Variants in MAPRE1 observed in about 807,000 individuals in gnomAD.
MAPRE1 encodes microtubule-associated protein RP/EB family member 1.
A neutral mutation model predicts 32.1 loss-of-function variants in MAPRE1; 5 were observed. That is an observed-to-expected ratio of 0.16 (90% CI 0.08 to 0.33). The LOEUF (loss-of-function observed/expected upper bound fraction) is 0.33, where lower values mean the gene tolerates loss of function less well. MAPRE1 is among the 10% of genes least tolerant of loss of function. The pLI is 1.00. For synonymous variants in MAPRE1, 122 were observed against 118.9 expected, an observed-to-expected ratio of 1.03 and a Z score of -0.17; for missense variants, 209 against 327.2, an observed-to-expected ratio of 0.64 and a Z score of 2.79.
rs374382367 is a variant in MAPRE1 at position 32,839,832 on chromosome 20, C to A, written c.573C>A (p.Asp191Glu). Residue 191 changes from aspartate to glutamate, a missense_variant, in exon 5 of 7, where the codon GAC becomes GAA. Coordinates refer to ENST00000375571, the MANE Select transcript of MAPRE1 (RefSeq NM_012325.3). ...ACCCTGGTGTGGGCAACGGAGACGA[C>A]GAGGCAGCTGAGTTGATGCAGCAGG... ...RKNPGVGNGDDEAAELMQQVN... is the reference protein window; with the variant it reads ...RKNPGVGNGDEEAAELMQQVN... The A allele has an allele frequency of 6.2e-7, 1 of 1,614,134 alleles. No homozygotes were observed. Among genetic ancestry groups the A allele is most frequent in the Admixed American group, 1.7e-5 (1 of 60,018 alleles).
At chr20:32,839,358 C>G (rs1399211426) in intron 4 of MAPRE1, among the ~76,000 whole-genome samples, 1 of 152,184 alleles carries the variant, frequency 6.6e-6, no homozygotes, top group Admixed American at 6.5e-5. Flanking sequence ...GCTGTTGTAA[C>G]CAACATGAAA....
chr20:32,823,508 A>T (rs1343696363), intron 1 of MAPRE1, among the ~76,000 whole-genome samples: 1 of 152,192 alleles, frequency 6.6e-6, no homozygotes, highest in Non-Finnish European at 1.5e-5. Flanking sequence ...TTAGATCTGG[A>T]TTAGCCTGCC....
chr20:32,843,739 G>A (rs763511741), intron 5 of MAPRE1, among the ~76,000 whole-genome samples: 1 of 152,148 alleles, frequency 6.6e-6, no homozygotes, highest in Non-Finnish European at 1.5e-5. Context: ...GTGGTTGATG[G>A]CTACTGTGGC....
intron 5 of MAPRE1, among the ~76,000 whole-genome samples, chr20:32,845,278 C>T (rs968942258): frequency 1.3e-5 from 2 of 152,112 alleles, no homozygotes; most frequent in South Asian, 2.1e-4. Flanking sequence ...TGGCCTCAAG[C>T]GATCCTCTCA....
intron 1 of MAPRE1, among the ~76,000 whole-genome samples, chr20:32,822,404 C>T (rs1982726613): frequency 6.6e-6 from 1 of 152,108 alleles, no homozygotes; most frequent in African/African-American, 2.4e-5. Flanking sequence ...AGGAAATTCT[C>T]TCTGGTTTGC....
In MAPRE1 at chr20:32,819,955, T is replaced by G. The variant is rs1186207109; in HGVS notation, c.-77T>G. The stretch of plus-strand genomic sequence containing the variant: ...TCATCGCGCGGGCGGGCGGGCGGGG[T>G]CTGGCGGTTTGAACGAGACGAAGAC... On this transcript the variant is annotated 5_prime_UTR_variant, in exon 1 of 7. Transcript: ENST00000375571. The G allele has an allele frequency of 6.8e-6, 1 of 146,540 alleles. No individual in the cohort carries two copies. Among genetic ancestry groups the G allele is most frequent in the Non-Finnish European group, 1.5e-5 (1 of 66,604 alleles). The allele number at this position is 146,540 out of a possible 1,614,324, so 9.1% of individuals were successfully genotyped here.
At chr20:32,847,944 AAAGG>A (rs1472302239) in intron 6 of MAPRE1, among the ~76,000 whole-genome samples, 2 of 152,224 alleles carry the variant, frequency 1.3e-5, no homozygotes, top group Admixed American at 6.5e-5. Flanking sequence ...AAGTATAACA[AAAGG>A]AAGGCATAAA....
At position 32,826,210 on chromosome 20, in the gene MAPRE1, G is replaced by A. The variant is rs878909272; in HGVS notation, c.121+162G>A. On this transcript the variant is annotated intron_variant, in intron 2 of 6. Transcript: ENST00000375571. ...CCCTGCCTTTGCTTCTGCTTCCAAA[G>A]GAACTTTTTTTTTTTTTTTTTTTTT... is the stretch of plus-strand genomic sequence containing the variant. Among the ~76,000 whole-genome samples the A allele has an allele frequency of 1.8e-4, 25 of 139,580 alleles. No individual in the cohort carries two copies. In the East Asian group the frequency reaches 5.0e-3, roughly 28 times the overall value. 91.6% of individuals were successfully genotyped at this position (139,580 alleles called of 152,430 possible).
chr20:32,839,690 G>T lies in MAPRE1; in HGVS notation c.476-45G>T, dbSNP rs764515589. ...TGTCTTGTGGATTTTTTGTTTGTTT[G>T]GGCTGGAATTACTCCTTTTCAAAAA... is the stretch of plus-strand genomic sequence containing the variant. On this transcript the variant is annotated intron_variant, in intron 4 of 6. Coordinates refer to ENST00000375571, the MANE Select transcript of MAPRE1 (RefSeq NM_012325.3). 12 of 1,596,972 alleles carry T rather than the reference G, an allele frequency of 7.5e-6. No homozygotes were observed. The Admixed American group carries it at 2.1e-4, about 28-fold the overall frequency.
At chr20:32,833,063 G>A (rs1223309075) in intron 2 of MAPRE1, among the ~76,000 whole-genome samples, 2 of 152,020 alleles carry the variant, frequency 1.3e-5, no homozygotes, top group Admixed American at 6.6e-5. Context: ...CTAGTTGGGC[G>A]TTGGTGGCAC....
chr20:32,840,964 C>T (rs1469240964), intron 5 of MAPRE1, among the ~76,000 whole-genome samples: 1 of 151,652 alleles, frequency 6.6e-6, no homozygotes, highest in African/African-American at 2.4e-5. Context: ...TACAGTCGTG[C>T]GCCACCACGC....
chr20:32,843,486 C>T (rs1983419512), intron 5 of MAPRE1: 1 of 152,048 alleles, frequency 6.6e-6, no homozygotes, highest in Admixed American at 6.6e-5. Context: ...TGTGAGCTAC[C>T]TGATTTACAT....
intron 6 of MAPRE1, among the ~76,000 whole-genome samples, chr20:32,848,379 A>G (rs1983562432): frequency 1.3e-5 from 2 of 152,310 alleles, no homozygotes; most frequent in South Asian, 2.1e-4. Flanking sequence ...AACTGACATA[A>G]TAAACTGCAC....
At chr20:32,840,084 G>T (rs2146135285) in intron 5 of MAPRE1, among the ~76,000 whole-genome samples, 1 of 152,354 alleles carries the variant, frequency 6.6e-6, no homozygotes, top group Middle Eastern at 3.4e-3. Flanking sequence ...GTGCTCGGAA[G>T]CCAGTGCTTA....
chr20:32,822,781 G>A (rs777211787), intron 1 of MAPRE1, among the ~76,000 whole-genome samples: 5 of 152,064 alleles, frequency 3.3e-5, no homozygotes, highest in African/African-American at 4.8e-5. Flanking sequence ...TGTTTGCATC[G>A]AGTGGATTGC....
intron 6 of MAPRE1, 30 bp downstream of exon 6, chr20:32,846,800 T>C (rs75036289): frequency 6.2e-7 from 1 of 1,610,618 alleles, no homozygotes; most frequent in Non-Finnish European, 8.5e-7. Flanking sequence ...ATATTTTCTT[T>C]CCATTTTACA....
At chr20:32,835,934 A>G (rs1441561257) in intron 3 of MAPRE1, among the ~76,000 whole-genome samples, 1 of 151,238 alleles carries the variant, frequency 6.6e-6, no homozygotes. Flanking sequence ...AGTTCATTGT[A>G]GATGCCTTTG....
intron 3 of MAPRE1, among the ~76,000 whole-genome samples, chr20:32,835,364 G>GTTTTTTTTTTTTGTTT (rs1983163126): frequency 9.4e-6 from 1 of 106,628 alleles, no homozygotes; most frequent in African/African-American, 4.7e-5. Context: ...TTTTATTGGT[G>GTTTTTTTTTTTTGTTT]TTTTTTTTTT....
At chr20:32,834,802 A>C (rs1031322105) in intron 3 of MAPRE1, among the ~76,000 whole-genome samples, 5 of 152,200 alleles carry the variant, frequency 3.3e-5, no homozygotes, top group African/African-American at 1.2e-4. Flanking sequence ...ATATAAAAGT[A>C]ATAATAGTGT....
Sources: allele counts gnomAD v4.1 joint callset (sites outside exome capture counted in the v4.1 genomes callset), GRCh38; gene constraint gnomAD v4.1.1; transcripts MANE v1.5; gene names NCBI Gene and HGNC (gene_info 2026-07-23, HGNC 2026-07-21).